Variants in TMEM272 observed in about 807,000 individuals in gnomAD.
TMEM272 encodes transmembrane protein 272, also known as long intergenic non-protein coding RNA 282.
TMEM272 carries 8 observed loss-of-function variants against 3.7 expected under a neutral mutation model. That is an observed-to-expected ratio of 2.17 (90% confidence interval 1.27 to 3.91). The LOEUF is 3.91. TMEM272 is among the 30% of genes most tolerant of loss of function. The probability of loss-of-function intolerance (pLI) is 0.00; values close to 1 mark genes in which losing one functional copy is unlikely to be tolerated. For missense variants in TMEM272, 166 were observed against 91.5 expected (o/e 1.81, Z -3.32); for synonymous variants, 63 against 39.8 (o/e 1.58, Z -2.20).
At chr13:51,858,151 A>G in the TMEM272 span, among the ~76,000 whole-genome samples, 3 of 152,228 alleles carry the variant, frequency 2.0e-5, no homozygotes, top group Non-Finnish European at 4.4e-5. Context: ...CTGCAAGTAC[A>G]TCTCTCTCAG....
chr13:51,826,438 G>C (rs1188898762), intron 3 of TMEM272, 128 bp downstream of exon 3: 1 of 641,590 alleles, frequency 1.6e-6, no homozygotes, highest in Non-Finnish European at 2.8e-6. Context: ...TGGCACATAG[G>C]TGTCTGGGAA....
At chr13:51,921,743 G>C in the TMEM272 span, among the ~76,000 whole-genome samples, 3 of 152,230 alleles carry the variant, frequency 2.0e-5, no homozygotes, top group Non-Finnish European at 4.4e-5. Context: ...CAAGCCGTCA[G>C]AACTTAAGGG....
chr13:51,847,246 C>T (rs927375934), upstream of TMEM272, among the ~76,000 whole-genome samples: 5 of 152,326 alleles, frequency 3.3e-5, no homozygotes, highest in East Asian at 9.6e-4. Context: ...CCGGGCCCCA[C>T]AGCAGGAGAT....
At chr13:51,872,963 C>G in the TMEM272 span, among the ~76,000 whole-genome samples, 3 of 152,168 alleles carry the variant, frequency 2.0e-5, no homozygotes, top group Non-Finnish European at 2.9e-5. Context: ...GGGAGTTAAG[C>G]AAGACAGGGG....
At chr13:51,883,337 G>A in the TMEM272 span, among the ~76,000 whole-genome samples, 2 of 152,206 alleles carry the variant, frequency 1.3e-5, no homozygotes, top group Non-Finnish European at 2.9e-5. Flanking sequence ...CAGGTTTCAG[G>A]TTCTTGTCCT....
At chr13:51,914,319 G>A in the TMEM272 span, among the ~76,000 whole-genome samples, 1 of 152,316 alleles carries the variant, frequency 6.6e-6, no homozygotes. Flanking sequence ...AATACATAGG[G>A]AAATTGACGC....
rs1956027368 is a variant in TMEM272, at chr13:51,816,513, A to G, written c.*238T>C. 2.3e-6 allele frequency: 1 copy of G among 439,340 alleles called. No individual in the cohort carries two copies. The allele number at this position is 439,340 out of a possible 1,614,324, so 27.2% of individuals were successfully genotyped here. ...AAACTCTTGTGAGAACAAAATTCCC[A>G]CTCTGAAAAGAGCAGAAGTGATTTC... On this transcript the variant is annotated 3_prime_UTR_variant, in exon 5 of 5. Coordinates refer to ENST00000629372, the MANE Select transcript of TMEM272 (RefSeq NM_001351003.2).
the TMEM272 span, among the ~76,000 whole-genome samples, chr13:51,863,521 G>C: frequency 5.3e-5 from 8 of 152,104 alleles, no homozygotes; most frequent in Non-Finnish European, 7.4e-5. Context: ...ATCTCGGCTA[G>C]GAGGGCTTGA....
At chr13:51,912,073 C>T in the TMEM272 span, among the ~76,000 whole-genome samples, 1 of 152,154 alleles carries the variant, frequency 6.6e-6, no homozygotes, top group Non-Finnish European at 1.5e-5. Flanking sequence ...GCCTTGCAGG[C>T]TCTATCTCAC....
chr13:51,921,030 C>T, the TMEM272 span, among the ~76,000 whole-genome samples: 5 of 152,318 alleles, frequency 3.3e-5, no homozygotes, highest in African/African-American at 4.8e-5. Flanking sequence ...CACAGCTCTG[C>T]GACGCCTGGT....
chr13:51,868,144 A>T, the TMEM272 span, among the ~76,000 whole-genome samples: 1 of 152,234 alleles, frequency 6.6e-6, no homozygotes, highest in Non-Finnish European at 1.5e-5. Flanking sequence ...CATTTAATTC[A>T]TCATCCACTT....
the TMEM272 span, among the ~76,000 whole-genome samples, chr13:51,860,504 T>C: frequency 6.6e-6 from 1 of 151,862 alleles, no homozygotes; most frequent in African/African-American, 2.4e-5. Flanking sequence ...CTAGGTCTGG[T>C]GGCGCACGCC....
upstream of TMEM272, among the ~76,000 whole-genome samples, chr13:51,845,952 A>G (rs903158039): frequency 6.6e-6 from 1 of 152,208 alleles, no homozygotes; most frequent in African/African-American, 2.4e-5. Flanking sequence ...CAACCCTGAC[A>G]TTCCAGGTTT....
the TMEM272 span, among the ~76,000 whole-genome samples, chr13:51,904,515 C>T: frequency 6.6e-6 from 1 of 152,070 alleles, no homozygotes; most frequent in Non-Finnish European, 1.5e-5. Context: ...TTTCTCTGGG[C>T]TTGAATAGGA....
chr13:51,890,212 T>A, the TMEM272 span, among the ~76,000 whole-genome samples: 1 of 152,062 alleles, frequency 6.6e-6, no homozygotes, highest in South Asian at 2.1e-4. Context: ...TGGAGGTTTA[T>A]CCCCCAAAAG....
chr13:51,890,866 C>A, the TMEM272 span, among the ~76,000 whole-genome samples: 123 of 152,284 alleles, frequency 8.1e-4, no homozygotes, highest in African/African-American at 2.9e-3. Context: ...TTTTTTAAAT[C>A]TTTGGATAGG....
the TMEM272 span, among the ~76,000 whole-genome samples, chr13:51,897,593 A>AT: frequency 2.0e-5 from 3 of 151,798 alleles, no homozygotes; most frequent in Admixed American, 6.6e-5. Flanking sequence ...TGCCAAGATG[A>AT]TTTCCTTTAT....
At chr13:51,885,142 T>C in the TMEM272 span, among the ~76,000 whole-genome samples, 1 of 152,192 alleles carries the variant, frequency 6.6e-6, no homozygotes, top group Non-Finnish European at 1.5e-5. Context: ...CTGCTAGGGG[T>C]ATCCATGAAC....
the TMEM272 span, among the ~76,000 whole-genome samples, chr13:51,916,295 A>G: frequency 6.6e-6 from 1 of 152,206 alleles, no homozygotes; most frequent in African/African-American, 2.4e-5. Context: ...TTCAGTGAAC[A>G]GCCCAGTGAA....
Sources: gnomAD v4.1 joint callset for allele counts (sites outside exome capture counted in the v4.1 genomes callset) on GRCh38, gnomAD v4.1.1 for gene constraint, MANE v1.5 for transcripts, NCBI Gene and HGNC (gene_info 2026-07-23, HGNC 2026-07-21) for gene names.